Variants in DOCK2 observed in about 807,000 individuals in gnomAD.
DOCK2 encodes the protein dedicator of cytokinesis protein 2.
In DOCK2, 87 loss-of-function variants were observed where a neutral mutation model predicts 248.9. The observed-to-expected ratio is 0.35, with a 90% CI of 0.29 to 0.42. The LOEUF (loss-of-function observed/expected upper bound fraction) is 0.42. Ranked by LOEUF, DOCK2 falls within the 10% of genes least tolerant of loss-of-function variation. The pLI, the probability that DOCK2 is intolerant of heterozygous loss-of-function variation, is 1.00. For synonymous variants in DOCK2, 805 were observed against 821.6 expected (o/e 0.98, Z 0.35); for missense variants, 1,747 against 2,300.2 (o/e 0.76, Z 4.92).
intron 2 of DOCK2, among the ~76,000 whole-genome samples, chr5:169,665,442 TTATA>T (rs952154376): frequency 2.0e-5 from 3 of 151,368 alleles, no homozygotes; most frequent in African/African-American, 4.8e-5. Flanking sequence ...ATACACATGT[TTATA>T]TGTATATACA....
At chr5:170,033,548 G>A (rs1756218260) in intron 34 of DOCK2, among the ~76,000 whole-genome samples, 1 of 152,142 alleles carries the variant, frequency 6.6e-6, no homozygotes, top group South Asian at 2.1e-4. Flanking sequence ...ATGTACACTT[G>A]CACACACATG....
intron 46 of DOCK2, 64 bp downstream of exon 46, chr5:170,069,284 T>G: frequency 6.4e-7 from 1 of 1,552,010 alleles, no homozygotes; most frequent in Non-Finnish European, 8.8e-7. Flanking sequence ...GTGGTTCACT[T>G]GCCCCACGCT....
chr5:169,872,644 C>T (rs1005988117), intron 27 of DOCK2, among the ~76,000 whole-genome samples: 3 of 152,182 alleles, frequency 2.0e-5, no homozygotes, highest in African/African-American at 4.8e-5. Context: ...GGTTCTGTGA[C>T]TCTGTGCCAG....
At chr5:169,762,253 C>G (rs1007343455) in intron 25 of DOCK2, among the ~76,000 whole-genome samples, 3 of 152,100 alleles carry the variant, frequency 2.0e-5, no homozygotes, top group Admixed American at 6.5e-5. Flanking sequence ...TAGGCACACT[C>G]TGTGGATGTG....
intron 40 of DOCK2, among the ~76,000 whole-genome samples, chr5:170,047,998 C>T (rs573243566): frequency 6.6e-5 from 10 of 152,264 alleles, no homozygotes; most frequent in Non-Finnish European, 1.2e-4. Context: ...TATTGAGGAT[C>T]CCAAAGAACT....
In DOCK2 at chr5:170,034,513, T is replaced by C. The variant is rs765821985; in HGVS notation, c.3582T>C (p.Asp1194=). Residue 1194 remains aspartate, a synonymous_variant, in exon 35 of 52, where the codon GAT becomes GAC. Transcript: ENST00000520908. ...KLLDYRGVMT[D]ESKDNRMSCT... The stretch of plus-strand genomic sequence containing the variant: ...TGGATTACCGGGGTGTGATGACAGA[T>C]GAGAGCAAAGACAACCGCATGAGCT... 1.2e-6 allele frequency: 2 copies of C among 1,614,156 alleles called. No individual in the cohort carries two copies. The highest frequency in any genetic ancestry group is 1.7e-5 in the Admixed American group (1 of 60,026).
At chr5:169,695,542 C>T (rs899365269) in intron 9 of DOCK2, among the ~76,000 whole-genome samples, 3 of 152,190 alleles carry the variant, frequency 2.0e-5, no homozygotes, top group African/African-American at 7.2e-5. Flanking sequence ...CCTTCTCTTG[C>T]CCTATCATTT....
chr5:169,831,635 G>T (rs1769232751), intron 26 of DOCK2, among the ~76,000 whole-genome samples: 1 of 152,154 alleles, frequency 6.6e-6, no homozygotes, highest in South Asian at 2.1e-4. Flanking sequence ...TCTAAATCTG[G>T]AATTGTAGAA....
At chr5:169,860,652 A>C (rs1045552881) in intron 27 of DOCK2, among the ~76,000 whole-genome samples, 1 of 152,222 alleles carries the variant, frequency 6.6e-6, no homozygotes, top group Non-Finnish European at 1.5e-5. Flanking sequence ...GTGTAAACCC[A>C]AGCTGGTTTT....
chr5:169,916,991 C>T lies in DOCK2; in HGVS notation c.2800-66077C>T, dbSNP rs1001057664. 7.2e-5 allele frequency among the ~76,000 whole-genome samples: 11 copies of T among 152,100 alleles called. 1 individual carries two copies. Among genetic ancestry groups the T allele is most frequent in the South Asian group, 2.1e-4 (1 of 4,822 alleles). ...ACTCTTCCAAATCCAGGACTGAATT[C>T]GTTCATTGCAAATATGGTGGATCTC... On this transcript the variant is annotated intron_variant, in intron 27 of 51. Coordinates refer to ENST00000520908, the MANE Select transcript of DOCK2 (RefSeq NM_004946.3).
chr5:169,964,048 A>G lies in DOCK2; in HGVS notation c.2800-19020A>G, dbSNP rs369828995. Among the ~76,000 whole-genome samples, 309 of 152,236 alleles carry G rather than the reference A, an allele frequency of 2.0e-3. 3 individuals carry two copies. Among genetic ancestry groups the G allele is most frequent in the Non-Finnish European group, 2.1e-3 (145 of 68,024 alleles). Reference sequence around the variant, plus strand: ...TGGGGGAGGGAGAAGGGGGAGGAGAATTAAAGAAAGGTTGAGGTACAAATA... The same window carrying G: ...TGGGGGAGGGAGAAGGGGGAGGAGAGTTAAAGAAAGGTTGAGGTACAAATA... On this transcript the variant is annotated intron_variant, in intron 27 of 51. Transcript: ENST00000520908.
chr5:169,737,029 T>A (rs1763072972), intron 22 of DOCK2, among the ~76,000 whole-genome samples: 1 of 152,158 alleles, frequency 6.6e-6, no homozygotes, highest in South Asian at 2.1e-4. Flanking sequence ...ATGAAGCAGA[T>A]AATCATGTGG....
At position 169,815,588 on chromosome 5, in the gene DOCK2, A is replaced by G. The variant is rs150775909; in HGVS notation, c.2703+12382A>G. On this transcript the variant is annotated intron_variant, in intron 26 of 51. Coordinates refer to ENST00000520908, the MANE Select transcript of DOCK2 (RefSeq NM_004946.3). Reference sequence around the variant, plus strand: ...TAATCAAATCAAATAATACTTTCACATGACATTTTAAAAACTCAGTATTTT... The same window carrying G: ...TAATCAAATCAAATAATACTTTCACGTGACATTTTAAAAACTCAGTATTTT... Among the ~76,000 whole-genome samples, 229 of 152,334 alleles carry G rather than the reference A, an allele frequency of 1.5e-3. 2 individuals carry two copies. Among genetic ancestry groups the G allele is most frequent in the African/African-American group, 5.2e-3 (217 of 41,576 alleles).
chr5:170,022,330 G>A (rs1252573262), intron 33 of DOCK2, among the ~76,000 whole-genome samples: 1 of 152,180 alleles, frequency 6.6e-6, no homozygotes, highest in East Asian at 1.9e-4. Flanking sequence ...AGTGGCTCAC[G>A]GTTCTGGGGG....
chr5:169,868,616 T>C (rs1375914025), intron 27 of DOCK2, among the ~76,000 whole-genome samples: 1 of 152,020 alleles, frequency 6.6e-6, no homozygotes. Flanking sequence ...AAATTAGCCA[T>C]GTGTGGTGGT....
At chr5:169,949,035 T>C (rs1270091710) in intron 27 of DOCK2, among the ~76,000 whole-genome samples, 2 of 152,172 alleles carry the variant, frequency 1.3e-5, no homozygotes, top group East Asian at 3.9e-4. Flanking sequence ...AACCTTAGAA[T>C]CACCACGTTC....
At chr5:169,708,040 C>A in intron 14 of DOCK2, 129 bp from the exon 15 acceptor site, 2 of 810,288 alleles carry the variant, frequency 2.5e-6, no homozygotes, top group South Asian at 1.6e-5. Flanking sequence ...GGGCACCTGG[C>A]ATGAGGGCTA....
intron 28 of DOCK2, among the ~76,000 whole-genome samples, chr5:169,985,348 C>CGT (rs5873200): frequency 0.14 from 19,658 of 136,652 alleles, 1,746 homozygotes; most frequent in Non-Finnish European, 0.2. Context: ...CTAATCTGCT[C>CGT]GTGTGTGTGT....
chr5:169,990,666 A>G lies in DOCK2; in HGVS notation c.2993+4744A>G, dbSNP rs149870468. Reference sequence around the variant, plus strand: ...GGAGAATAGGTATCCCAGCGGCTCAAGAGGAGGGATGTCTGTGTCTCCCAG... The same window carrying G: ...GGAGAATAGGTATCCCAGCGGCTCAGGAGGAGGGATGTCTGTGTCTCCCAG... On this transcript the variant is annotated intron_variant, in intron 29 of 51. Transcript: ENST00000520908. Among the ~76,000 whole-genome samples, 194 of 152,312 alleles carry G rather than the reference A, an allele frequency of 1.3e-3. 1 individual carries two copies. In the East Asian group the frequency reaches 0.022, roughly 17 times the overall value.
Sources: gnomAD v4.1 joint callset for allele counts (sites outside exome capture counted in the v4.1 genomes callset) on GRCh38, gnomAD v4.1.1 for gene constraint, MANE v1.5 for transcripts, NCBI Gene and HGNC (gene_info 2026-07-23, HGNC 2026-07-21) for gene names.